The following BCAT1 variants were observed in gnomAD, a reference collection of about 807,000 sequenced individuals.
The protein encoded by BCAT1 is branched chain amino acid transaminase 1.
In BCAT1, 48 loss-of-function variants were observed where a neutral mutation model predicts 52.4. The observed-to-expected ratio is 0.92, with a 90% CI of 0.73 to 1.16. The LOEUF (loss-of-function observed/expected upper bound fraction) is 1.16. Among genes scored for constraint, BCAT1 ranks in the 50% most tolerant of loss-of-function variants. BCAT1 has a pLI of 0.00. For missense variants in BCAT1, 451 were observed against 457.1 expected, an observed-to-expected ratio of 0.99 and a Z score of 0.12; for synonymous variants, 167 against 161.3, an observed-to-expected ratio of 1.04 and a Z score of -0.27.
At chr12:24,928,909 T>C (rs1005710751) in intron 1 of BCAT1, among the ~76,000 whole-genome samples, 3 of 150,182 alleles carry the variant, frequency 2.0e-5, no homozygotes, top group Non-Finnish European at 4.4e-5. Flanking sequence ...TAATTTTTTT[T>C]ATTTTATTTT....
chr12:24,931,608 G>A (rs1351253227), intron 1 of BCAT1, among the ~76,000 whole-genome samples: 1 of 152,124 alleles, frequency 6.6e-6, no homozygotes, highest in Non-Finnish European at 1.5e-5. Flanking sequence ...AGTAACACAG[G>A]AAACTAGACA....
chr12:24,943,884 T>G (rs1210619133), intron 1 of BCAT1, among the ~76,000 whole-genome samples: 1 of 151,864 alleles, frequency 6.6e-6, no homozygotes, highest in African/African-American at 2.4e-5. Context: ...CTCAGGAAGC[T>G]GAGGCAGGAG....
intron 3 of BCAT1, among the ~76,000 whole-genome samples, chr12:24,887,068 A>AAAAAAAAAT (rs1942689070): frequency 1.1e-5 from 1 of 90,532 alleles, no homozygotes; most frequent in Non-Finnish European, 2.2e-5. Flanking sequence ...AGCTAAAAAA[A>AAAAAAAAAT]AAAAAAAAAA....
intron 2 of BCAT1, 138 bp downstream of exon 2, chr12:24,901,676 G>T: frequency 1.2e-6 from 1 of 865,938 alleles, no homozygotes. Context: ...TCCTCTAAGA[G>T]TGGAATTTTA....
intron 7 of BCAT1, among the ~76,000 whole-genome samples, chr12:24,836,963 AAG>A (rs1940988202): frequency 9.5e-6 from 1 of 104,746 alleles, no homozygotes; most frequent in African/African-American, 3.6e-5. Flanking sequence ...AGAAAAGAGA[AAG>A]AAAGAAAGAG....
chr12:24,827,284 T>A (rs1035499998), intron 10 of BCAT1, among the ~76,000 whole-genome samples: 3 of 149,034 alleles, frequency 2.0e-5, no homozygotes, highest in African/African-American at 7.5e-5. Context: ...CAGGCAACCT[T>A]AAAAAAATTA....
intron 5 of BCAT1, among the ~76,000 whole-genome samples, chr12:24,867,406 G>C (rs926221816): frequency 1.3e-5 from 2 of 148,528 alleles, no homozygotes; most frequent in South Asian, 4.2e-4. Flanking sequence ...AATTGTTATT[G>C]GCTAAGCAGC....
At chr12:24,890,976 G>A (rs1328708662) in intron 3 of BCAT1, among the ~76,000 whole-genome samples, 1 of 152,182 alleles carries the variant, frequency 6.6e-6, no homozygotes, top group Non-Finnish European at 1.5e-5. Context: ...TCACTGCTTG[G>A]TGGTGGGGAG....
At position 24,849,931 on chromosome 12, in the gene BCAT1, T is replaced by C. The variant is rs1490845798; in HGVS notation, c.529A>G (p.Lys177Glu). The change falls in exon 6 of 11, where the codon AAG (lysine) becomes GAG (glutamate). Residue 177 changes from lysine to glutamate, a missense_variant. Lys to Glu is a moderately conservative substitution (Grantham distance 56, BLOSUM62 1). Transcript: ENST00000261192. The part of the protein sequence containing the change: ...IGTEPSLGVK[K>E]PTKALLFVLL... ...ACAAAGAGCAGGGCTTTGGTAGGCT[T>C]CTTGACTCCAAGAGAAGGCTGCAAC... The C allele has an allele frequency of 1.2e-6, 2 of 1,609,966 alleles. No homozygotes were observed. The highest frequency in any genetic ancestry group is 1.7e-6 in the Non-Finnish European group (2 of 1,177,526).
chr12:24,848,670 G>A (rs144884616), intron 6 of BCAT1, among the ~76,000 whole-genome samples: 5 of 152,252 alleles, frequency 3.3e-5, no homozygotes, highest in East Asian at 3.9e-4. Context: ...CATGCTCTGC[G>A]AAGAAGTTTG....
chr12:24,849,999 A>G (rs1314429517), intron 5 of BCAT1, 50 bp from the exon 6 acceptor site: 1 of 1,472,898 alleles, frequency 6.8e-7, no homozygotes, highest in Non-Finnish European at 9.2e-7. Flanking sequence ...TGTGGACACC[A>G]GTCTTAAAGT....
chr12:24,820,681 G>C (rs1940081051), intron 10 of BCAT1, among the ~76,000 whole-genome samples: 1 of 152,134 alleles, frequency 6.6e-6, no homozygotes, highest in South Asian at 2.1e-4. Flanking sequence ...CTGCGGGATG[G>C]TATTTTGAGC....
intron 1 of BCAT1, 76 bp downstream of exon 1, chr12:24,948,851 A>T: frequency 6.6e-7 from 1 of 1,516,992 alleles, no homozygotes; most frequent in Non-Finnish European, 9.0e-7. Flanking sequence ...CCTGCCAACT[A>T]TGTTTCTTGG....
intron 1 of BCAT1, 72 bp downstream of exon 1, chr12:24,948,855 T>C: frequency 6.5e-7 from 1 of 1,534,292 alleles, no homozygotes; most frequent in East Asian, 2.4e-5. Flanking sequence ...CCAACTATGT[T>C]TCTTGGAGAA....
At chr12:24,840,874 T>C (rs538074269) in intron 7 of BCAT1, among the ~76,000 whole-genome samples, 1 of 152,374 alleles carries the variant, frequency 6.6e-6, no homozygotes, top group East Asian at 1.9e-4. Context: ...TTTATATTTC[T>C]AGTCTCTATA....
rs768260782 is a variant in BCAT1 at position 24,829,811 on chromosome 12, G to A, written c.1119+12C>T. 1.5e-4 allele frequency: 243 copies of A among 1,587,542 alleles called. No individual in the cohort carries two copies. Among genetic ancestry groups the A allele is most frequent in the Non-Finnish European group, 2.0e-4 (237 of 1,166,964 alleles). ...GAAAAGGAAAGAAAAGAAAAGAAAA[G>A]AAAAGCTTTACCTGGATATCAGTTA... On this transcript the variant is annotated intron_variant, in intron 10 of 10. Transcript: ENST00000261192.
At chr12:24,916,784 C>T (rs950489983) in intron 1 of BCAT1, among the ~76,000 whole-genome samples, 1 of 152,190 alleles carries the variant, frequency 6.6e-6, no homozygotes. Context: ...TGTGATCCAC[C>T]GGCCTCGCCC....
chr12:24,860,423 A>T (rs890401514), intron 5 of BCAT1, among the ~76,000 whole-genome samples: 1 of 152,202 alleles, frequency 6.6e-6, no homozygotes, highest in Non-Finnish European at 1.5e-5. Flanking sequence ...TACAGTTGTT[A>T]AAAATTGAGT....
upstream of BCAT1, chr12:24,949,205 C>T (rs938387222): frequency 9.6e-6 from 5 of 519,230 alleles, no homozygotes; most frequent in South Asian, 2.8e-5. Flanking sequence ...GGAGTCTCTC[C>T]CAGCCCGAAG....
Sources: allele counts gnomAD v4.1 joint callset (sites outside exome capture counted in the v4.1 genomes callset), GRCh38; gene constraint gnomAD v4.1.1; transcripts MANE v1.5; gene names NCBI Gene and HGNC (gene_info 2026-07-23, HGNC 2026-07-21).